The following PRH1 variants were observed in gnomAD, a reference collection of about 807,000 sequenced individuals.
PRH1 encodes the protein proline rich protein HaeIII subfamily 1.
PRH1 carries 7 observed loss-of-function variants against 7.9 expected under a neutral mutation model. That is an observed-to-expected ratio of 0.89 (90% CI 0.50 to 1.67). The LOEUF (loss-of-function observed/expected upper bound fraction) is 1.67. PRH1 is among the 40% of genes most tolerant of loss of function. The pLI is 0.00. For missense variants in PRH1, 109 were observed against 223.6 expected, an observed-to-expected ratio of 0.49 and a Z score of 3.27; for synonymous variants, 45 against 80.8, an observed-to-expected ratio of 0.56 and a Z score of 2.38.
chr12:10,923,269 G>A lies in PRH1; in HGVS notation c.-58-38994C>T, dbSNP rs146927066. Among the ~76,000 whole-genome samples the A allele has an allele frequency of 4.4e-3, 675 of 151,982 alleles. 4 individuals are homozygous for A. The highest frequency in any genetic ancestry group is 5.3e-3 in the Non-Finnish European group (359 of 67,966). On this transcript the variant is annotated intron_variant, in intron 2 of 3. Transcript: ENST00000539853. ...GTCTCCTGAGTAGCTGGGATTACAG[G>A]CACACGCCACCATGCACAGCTAATT...
intron 1 of PRH1, among the ~76,000 whole-genome samples, chr12:11,033,127 G>A (rs1942297510): frequency 6.6e-6 from 1 of 152,144 alleles, no homozygotes. Flanking sequence ...CCCAGCGCAG[G>A]CGAGGTTGAG....
intron 1 of PRH1, among the ~76,000 whole-genome samples, chr12:11,128,988 T>C (rs1946234847): frequency 6.6e-6 from 1 of 152,112 alleles, no homozygotes; most frequent in African/African-American, 2.4e-5. Context: ...AGTGGCACAA[T>C]CATAGCCCAC....
chr12:11,135,819 A>C (rs1281645201), intron 1 of PRH1, among the ~76,000 whole-genome samples: 2 of 152,070 alleles, frequency 1.3e-5, no homozygotes, highest in African/African-American at 4.8e-5. Flanking sequence ...TCTTACTTCA[A>C]CTCTCTTAGA....
chr12:11,057,035 C>A (rs1378074889), intron 1 of PRH1, among the ~76,000 whole-genome samples: 1 of 151,508 alleles, frequency 6.6e-6, no homozygotes, highest in African/African-American at 2.4e-5. Flanking sequence ...TAGACAGAGT[C>A]TCCCTCTGTT....
chr12:10,984,154 T>C (rs1310029958), intron 1 of PRH1, among the ~76,000 whole-genome samples: 1 of 152,196 alleles, frequency 6.6e-6, no homozygotes, highest in Non-Finnish European at 1.5e-5. Context: ...AATACAAATA[T>C]ATCATTCACA....
chr12:11,084,035 C>T (rs796130330), intron 1 of PRH1, among the ~76,000 whole-genome samples: 15,020 of 67,172 alleles, frequency 0.22, 1,695 homozygotes, highest in Non-Finnish European at 0.31. Flanking sequence ...TTTTGCAAAT[C>T]CTGCATTTAC....
At chr12:10,938,987 G>C in intron 2 of PRH1, 1 of 1,613,296 alleles carries the variant, frequency 6.2e-7, no homozygotes, top group South Asian at 1.1e-5. Context: ...GGCAAATAAA[G>C]CTGGGAAAAA....
intron 1 of PRH1, among the ~76,000 whole-genome samples, chr12:11,106,557 C>T (rs982329358): frequency 1.3e-4 from 19 of 151,870 alleles, no homozygotes; most frequent in Non-Finnish European, 2.4e-4. Flanking sequence ...TTAAAAAACA[C>T]GTTTTCCATT....
At chr12:10,989,631 T>C (rs879635509) in intron 1 of PRH1, among the ~76,000 whole-genome samples, 5 of 152,222 alleles carry the variant, frequency 3.3e-5, no homozygotes, top group African/African-American at 7.2e-5. Context: ...CACCACTTTA[T>C]ACAGTCAAAA....
At position 10,992,897 on chromosome 12, in the gene PRH1, T is replaced by C. The variant is rs188299611; in HGVS notation, c.-125-19176A>G. On this transcript the variant is annotated intron_variant, in intron 1 of 3. Transcript: ENST00000539853. ...GTATATTAAGGGACATTACTGTAAG[T>C]AGGACCAAAAAGAGTCCTCGGTAAT... 7.1e-4 allele frequency among the ~76,000 whole-genome samples: 108 copies of C among 152,322 alleles called. 1 individual carries two copies. Among genetic ancestry groups the C allele is most frequent in the Admixed American group, 2.6e-3 (40 of 15,300 alleles).
At chr12:11,153,958 T>C (rs1318843070) in intron 1 of PRH1, among the ~76,000 whole-genome samples, 1 of 152,148 alleles carries the variant, frequency 6.6e-6, no homozygotes, top group Non-Finnish European at 1.5e-5. Context: ...AAACAAGTGG[T>C]TTGTGTCCAG....
At chr12:11,009,427 T>C (rs1940973069) in intron 1 of PRH1, among the ~76,000 whole-genome samples, 1 of 151,908 alleles carries the variant, frequency 6.6e-6, no homozygotes, top group South Asian at 2.1e-4. Flanking sequence ...GAGATGGAAA[T>C]ATATACATTT....
intron 1 of PRH1, among the ~76,000 whole-genome samples, chr12:11,072,923 T>A (rs369945915): frequency 6.6e-6 from 1 of 151,846 alleles, no homozygotes; most frequent in East Asian, 1.9e-4. Flanking sequence ...TTGCAAAACA[T>A]CATGTTAATT....
intron 1 of PRH1, among the ~76,000 whole-genome samples, chr12:11,026,911 C>T (rs191990485): frequency 5.4e-4 from 82 of 152,252 alleles, no homozygotes; most frequent in African/African-American, 1.8e-3. Flanking sequence ...TTTTATATCA[C>T]GGCTATGTCA....
rs146085739 is a variant in PRH1, at chr12:11,022,649, A to G, written c.-126+24371T>C. The G allele has an allele frequency of 8.9e-5, 92 of 1,030,064 alleles. No individual in the cohort carries two copies. The East Asian group carries it at 2.3e-3, about 26-fold the overall frequency. 63.8% of individuals were successfully genotyped at this position (1,030,064 alleles called of 1,614,324 possible). On this transcript the variant is annotated intron_variant, in intron 1 of 3. Coordinates refer to the PRH1 transcript ENST00000539853. Reference sequence around the variant, plus strand: ...AACATCCAGATGTTAACTTCGATGAACACTTGATTACTAAATGTGCAATAA... The same window carrying G: ...AACATCCAGATGTTAACTTCGATGAGCACTTGATTACTAAATGTGCAATAA...
At chr12:11,022,718 C>T in intron 1 of PRH1, 1 of 627,490 alleles carries the variant, frequency 1.6e-6, no homozygotes, top group Non-Finnish European at 2.8e-6. Flanking sequence ...AACAGGCAAG[C>T]ACCAGCATAT....
intron 2 of PRH1, among the ~76,000 whole-genome samples, chr12:10,967,351 T>A (rs1938557147): frequency 6.6e-6 from 1 of 152,140 alleles, no homozygotes; most frequent in South Asian, 2.1e-4. Context: ...AATAAAATTA[T>A]AATGCACACT....
chr12:11,020,052 AT>A (rs1249996580), intron 1 of PRH1, among the ~76,000 whole-genome samples: 7 of 152,288 alleles, frequency 4.6e-5, no homozygotes, highest in African/African-American at 1.7e-4. Flanking sequence ...TATTACAGTG[AT>A]ATTTCCCCTA....
At chr12:11,056,853 A>C (rs550924849) in intron 1 of PRH1, among the ~76,000 whole-genome samples, 60 of 113,816 alleles carry the variant, frequency 5.3e-4, no homozygotes, top group Non-Finnish European at 9.9e-4. Context: ...ATGATAATAA[A>C]TCTGTCTTTG....
Sources: gnomAD v4.1 joint callset for allele counts (sites outside exome capture counted in the v4.1 genomes callset) on GRCh38, gnomAD v4.1.1 for gene constraint, MANE v1.5 for transcripts, NCBI Gene and HGNC (gene_info 2026-07-23, HGNC 2026-07-21) for gene names.